The following PTPRZ1 variants were observed in gnomAD, a reference collection of about 807,000 sequenced individuals.
PTPRZ1 encodes protein tyrosine phosphatase receptor type Z1, also known as receptor-type tyrosine-protein phosphatase zeta.
PTPRZ1 carries 82 observed loss-of-function variants against 214.1 expected under a neutral mutation model. The observed-to-expected ratio is 0.38, with a 90% CI of 0.32 to 0.46. PTPRZ1 has a LOEUF of 0.46. Among genes scored for constraint, PTPRZ1 ranks in the 20% least tolerant of loss-of-function variants. The pLI, the probability that PTPRZ1 is intolerant of heterozygous loss-of-function variation, is 1.00. For synonymous variants in PTPRZ1, 945 were observed against 987.9 expected, an observed-to-expected ratio of 0.96 and a Z score of 0.81; for missense variants, 2,603 against 2,748.7, an observed-to-expected ratio of 0.95 and a Z score of 1.19.
rs1285872267 is a variant in PTPRZ1 at position 122,034,323 on chromosome 7, C to G, written c.5229C>G (p.Asp1743Glu). The change falls in exon 17 of 30, where the codon GAC (aspartate) becomes GAG (glutamate). Residue 1743 changes from aspartate (D) to glutamate (E), a missense_variant. Coordinates refer to ENST00000393386, the MANE Select transcript of PTPRZ1 (RefSeq NM_002851.3). ...CTGTTGACTTAGGTATTACAGCAGA[C>G]AGCTCCAACCACCCAGACAACAAGC... is the stretch of plus-strand genomic sequence containing the variant. ...SCTVDLGITA[D>E]SSNHPDNKHK... 3.7e-6 allele frequency: 6 copies of G among 1,613,460 alleles called. No homozygotes were observed. Among genetic ancestry groups the G allele is most frequent in the Non-Finnish European group, 5.1e-6 (6 of 1,179,640 alleles).
intron 18 of PTPRZ1, 140 bp downstream of exon 18, chr7:122,036,822 A>G: frequency 1.6e-6 from 1 of 629,052 alleles, no homozygotes; most frequent in Non-Finnish European, 2.7e-6. Context: ...GTAACAGTAA[A>G]TAATTTTTAA....
chr7:122,001,745 T>A (rs531127096), intron 10 of PTPRZ1, among the ~76,000 whole-genome samples: 8 of 152,344 alleles, frequency 5.3e-5, no homozygotes, highest in African/African-American at 1.7e-4. Context: ...GTGTTTTTTT[T>A]AATTTAACAT....
intron 1 of PTPRZ1, among the ~76,000 whole-genome samples, chr7:121,912,417 A>G (rs1795305820): frequency 6.6e-6 from 1 of 152,186 alleles, no homozygotes; most frequent in Non-Finnish European, 1.5e-5. Flanking sequence ...TCTGTGTCTG[A>G]TACTATGATG....
At chr7:121,964,058 T>G (rs1796964617) in intron 2 of PTPRZ1, among the ~76,000 whole-genome samples, 1 of 152,312 alleles carries the variant, frequency 6.6e-6, no homozygotes, top group East Asian at 1.9e-4. Context: ...AGTAAAGAAA[T>G]GCTTCTCTTA....
intron 1 of PTPRZ1, among the ~76,000 whole-genome samples, chr7:121,893,993 G>C (rs1047351090): frequency 6.6e-6 from 1 of 152,022 alleles, no homozygotes; most frequent in African/African-American, 2.4e-5. Flanking sequence ...GTGTGCACAG[G>C]GCTAGTAAAT....
At chr7:122,024,141 C>T (rs1362055628) in intron 13 of PTPRZ1, among the ~76,000 whole-genome samples, 10 of 151,760 alleles carry the variant, frequency 6.6e-5, no homozygotes, top group African/African-American at 2.4e-4. Context: ...AAATAATATG[C>T]CTTGAAATCA....
At position 121,969,498 on chromosome 7, in the gene PTPRZ1, G is replaced by T. The variant is rs183914766; in HGVS notation, c.304+1368G>T. The stretch of plus-strand genomic sequence containing the variant: ...AATTGATTGAACCCAGGAGTCGGAG[G>T]TTGAGTGAGCTGAGATTGTGCCATT... On this transcript the variant is annotated intron_variant, in intron 3 of 29. Coordinates refer to ENST00000393386, the MANE Select transcript of PTPRZ1 (RefSeq NM_002851.3). 8.7e-5 allele frequency among the ~76,000 whole-genome samples: 13 copies of T among 150,144 alleles called. No homozygotes were observed. In the Middle Eastern group the frequency reaches 0.01, roughly 119 times the overall value.
chr7:121,931,149 T>A (rs1030479094), intron 2 of PTPRZ1, among the ~76,000 whole-genome samples: 1 of 152,226 alleles, frequency 6.6e-6, no homozygotes, highest in African/African-American at 2.4e-5. Context: ...ATATTTTTAT[T>A]TTTAATTCCT....
At chr7:121,940,093 C>T (rs991639385) in intron 2 of PTPRZ1, among the ~76,000 whole-genome samples, 2 of 152,126 alleles carry the variant, frequency 1.3e-5, no homozygotes, top group South Asian at 2.1e-4. Flanking sequence ...ATGAGACAAG[C>T]TTCTTGGGGC....
intron 14 of PTPRZ1, 122 bp downstream of exon 14, chr7:122,028,765 G>A (rs1799283498): frequency 7.3e-6 from 5 of 682,538 alleles, no homozygotes; most frequent in South Asian, 4.0e-5. Flanking sequence ...GTAAATTTTT[G>A]TGTTGCCCCA....
intron 8 of PTPRZ1, among the ~76,000 whole-genome samples, chr7:121,992,729 C>T (rs1798007728): frequency 7.8e-6 from 1 of 127,778 alleles, no homozygotes; most frequent in Non-Finnish European, 1.9e-5. Flanking sequence ...ATCCTAAAGG[C>T]TGAGACACTA....
At chr7:121,943,570 C>A (rs2116429727) in intron 2 of PTPRZ1, among the ~76,000 whole-genome samples, 1 of 152,202 alleles carries the variant, frequency 6.6e-6, no homozygotes, top group Middle Eastern at 3.4e-3. Context: ...GATCTCCTGA[C>A]CTCGTGATCC....
chr7:122,029,343 T>C (rs1259189507), intron 14 of PTPRZ1, among the ~76,000 whole-genome samples: 2 of 151,990 alleles, frequency 1.3e-5, no homozygotes, highest in African/African-American at 4.8e-5. Flanking sequence ...ATAAGTAAAA[T>C]CATAACCACT....
In PTPRZ1 at chr7:121,967,946, C is replaced by A; in HGVS notation, c.125-5C>A. ...ACTAAATTTCTTACTCCTTCTTTTCCCTAGGAGCACTGAATCAAAAAAATT... is the reference window on the plus strand; with the variant it reads ...ACTAAATTTCTTACTCCTTCTTTTCACTAGGAGCACTGAATCAAAAAAATT... On this transcript the variant is annotated splice_polypyrimidine_tract_variant and splice_region_variant and intron_variant, in intron 2 of 29. Transcript: ENST00000393386. 1 of 1,546,106 alleles carries A rather than the reference C, an allele frequency of 6.5e-7. No individual in the cohort carries two copies. The highest frequency in any genetic ancestry group is 1.2e-5 in the South Asian group (1 of 83,782).
chr7:121,894,374 C>T (rs1479374943), intron 1 of PTPRZ1, among the ~76,000 whole-genome samples: 5 of 152,012 alleles, frequency 3.3e-5, no homozygotes, highest in Non-Finnish European at 2.9e-5. Context: ...CTTTTGTGAA[C>T]TGCTTTTTGT....
chr7:121,922,936 A>G (rs1260780898), intron 1 of PTPRZ1, among the ~76,000 whole-genome samples: 1 of 152,202 alleles, frequency 6.6e-6, no homozygotes, highest in Non-Finnish European at 1.5e-5. Flanking sequence ...TATGAAATAC[A>G]TTCAATGCCA....
intron 6 of PTPRZ1, among the ~76,000 whole-genome samples, chr7:121,983,112 C>T (rs1196512): frequency 0.42 from 63,621 of 152,046 alleles, 13,629 homozygotes; most frequent in South Asian, 0.58. Context: ...TATTTGCACA[C>T]TGTGATGGTA....
Position 121,894,070 on chromosome 7 carries a change from T to C in PTPRZ1, c.58+20513T>C, listed in dbSNP as rs149604579. On this transcript the variant is annotated intron_variant, in intron 1 of 29. Coordinates refer to ENST00000393386, the MANE Select transcript of PTPRZ1 (RefSeq NM_002851.3). ...GTCCTTAACTCCTACTATCTAATCA[T>C]TTTTTAGAAAAAATTTTTCGAAGGA... is the stretch of plus-strand genomic sequence containing the variant. Among the ~76,000 whole-genome samples the C allele has an allele frequency of 1.1e-3, 167 of 152,266 alleles. 1 individual carries two copies. Among genetic ancestry groups the C allele is most frequent in the African/African-American group, 4.0e-3 (165 of 41,552 alleles).
In PTPRZ1 at chr7:122,000,426, A is replaced by G. The variant is rs1798281634; in HGVS notation, c.1240+2420A>G. On this transcript the variant is annotated intron_variant, in intron 10 of 29. Coordinates refer to ENST00000393386, the MANE Select transcript of PTPRZ1 (RefSeq NM_002851.3). ...TATTTGTGTGACTAATATAGATGTA[A>G]GTGGCTTTTGAGTTTGCTGCTTATT... 1.3e-5 allele frequency among the ~76,000 whole-genome samples: 2 copies of G among 151,550 alleles called. 1 individual carries two copies. Among genetic ancestry groups the G allele is most frequent in the South Asian group, 4.2e-4 (2 of 4,812 alleles).
Sources: gnomAD v4.1 joint callset for allele counts (sites outside exome capture counted in the v4.1 genomes callset) on GRCh38, gnomAD v4.1.1 for gene constraint, MANE v1.5 for transcripts, NCBI Gene and HGNC (gene_info 2026-07-23, HGNC 2026-07-21) for gene names.